Variants in PHACTR3 observed in about 807,000 individuals in gnomAD.
The protein encoded by PHACTR3 is protein phosphatase 1, regulatory subunit 123.
PHACTR3 carries 16 observed loss-of-function variants against 66.8 expected under a neutral mutation model. The ratio of observed to expected loss-of-function variants is 0.24; its 90% confidence interval spans 0.16 to 0.36. PHACTR3 has a LOEUF of 0.36. Among genes scored for constraint, PHACTR3 ranks in the 10% least tolerant of loss-of-function variants. The pLI, the probability that PHACTR3 is intolerant of heterozygous loss-of-function variation, is 1.00. For missense variants in PHACTR3, 647 were observed against 719.9 expected (o/e 0.90, Z 1.16); for synonymous variants, 323 against 292.1 (o/e 1.11, Z -1.08).
At chr20:59,743,310 C>A in intron 2 of PHACTR3, 42 bp downstream of exon 2, 2 of 1,607,886 alleles carry the variant, frequency 1.2e-6, no homozygotes, top group Non-Finnish European at 1.7e-6. Context: ...GTGGCTGGGA[C>A]CAGCGTCCTT....
At chr20:59,627,813 T>C (rs2034511578) in intron 1 of PHACTR3, among the ~76,000 whole-genome samples, 2 of 152,362 alleles carry the variant, frequency 1.3e-5, no homozygotes, top group South Asian at 2.1e-4. Flanking sequence ...TCTATAAATA[T>C]ATGTATATTC....
At chr20:59,735,818 A>G (rs954921034) in intron 1 of PHACTR3, among the ~76,000 whole-genome samples, 3 of 152,148 alleles carry the variant, frequency 2.0e-5, no homozygotes, top group African/African-American at 4.8e-5. Context: ...TAAATAGTGA[A>G]TCCCAGGGCA....
At chr20:59,628,522 G>T (rs1257280381) in intron 1 of PHACTR3, 3 of 605,958 alleles carry the variant, frequency 5.0e-6, no homozygotes, top group South Asian at 1.5e-4. Flanking sequence ...CCGTGCATGG[G>T]GCCACGTGCA....
chr20:59,661,131 A>G (rs1004577561), intron 1 of PHACTR3, among the ~76,000 whole-genome samples: 14 of 152,116 alleles, frequency 9.2e-5, no homozygotes, highest in African/African-American at 3.4e-4. Context: ...GGAAAATTGG[A>G]TTCGATTCTA....
At chr20:59,838,442 A>G (rs183452804) in intron 9 of PHACTR3, among the ~76,000 whole-genome samples, 4 of 150,742 alleles carry the variant, frequency 2.7e-5, no homozygotes, top group East Asian at 1.9e-4. Context: ...CTCCGCCCAT[A>G]TAACACTATA....
intron 3 of PHACTR3, among the ~76,000 whole-genome samples, chr20:59,748,875 G>A (rs1241091031): frequency 6.6e-6 from 1 of 152,184 alleles, no homozygotes; most frequent in East Asian, 1.9e-4. Flanking sequence ...AATTAGGAAG[G>A]AAGCTCATGA....
Position 59,806,166 on chromosome 20 carries a change from C to G in PHACTR3, c.1300C>G (p.Arg434Gly). 1 of 1,614,162 alleles carries G rather than the reference C, an allele frequency of 6.2e-7. No homozygotes were observed. The highest frequency in any genetic ancestry group is 8.5e-7 in the Non-Finnish European group (1 of 1,180,024). ...RRTDEERQEIRQQIEMKLSKR... is the reference protein window; with the variant it reads ...RRTDEERQEIGQQIEMKLSKR... ...GACTGATGAAGAAAGACAGGAGATC[C>G]GGCAGCAGATCGAGATGAAGCTTTC... Residue 434 changes from arginine (R) to glycine (G), a missense_variant, in exon 8 of 13, where the codon CGG becomes GGG. Coordinates refer to ENST00000371015, the MANE Select transcript of PHACTR3 (RefSeq NM_080672.5).
chr20:59,766,293 G>A (rs994368138), intron 4 of PHACTR3, among the ~76,000 whole-genome samples: 6 of 152,172 alleles, frequency 3.9e-5, no homozygotes, highest in East Asian at 1.9e-4. Flanking sequence ...AGTGGACTCC[G>A]TAGGCTCTTC....
chr20:59,747,652 T>C, intron 2 of PHACTR3, 106 bp from the exon 3 acceptor site: 1 of 1,317,406 alleles, frequency 7.6e-7, no homozygotes, highest in Non-Finnish European at 1.1e-6. Context: ...GCCTGCTAGC[T>C]CAGTGTTTTT....
At chr20:59,622,704 G>A (rs987863680) in intron 1 of PHACTR3, among the ~76,000 whole-genome samples, 4 of 152,062 alleles carry the variant, frequency 2.6e-5, no homozygotes. Flanking sequence ...GGGAATGAGG[G>A]AGACCAGGGG....
Position 59,622,043 on chromosome 20 carries a change from C to G in PHACTR3, c.118+16911C>G, listed in dbSNP as rs143552594. Among the ~76,000 whole-genome samples the G allele has an allele frequency of 9.9e-5, 15 of 152,050 alleles. No individual in the cohort carries two copies. In the East Asian group the frequency reaches 2.3e-3, roughly 23 times the overall value. On this transcript the variant is annotated intron_variant, in intron 1 of 12. Coordinates refer to ENST00000371015, the MANE Select transcript of PHACTR3 (RefSeq NM_080672.5). ...AAGTCATTGGGAGAATGAGTCATTGCGTGTGTATGCCTGTGTGTTTGTGCA... is the reference window on the plus strand; with the variant it reads ...AAGTCATTGGGAGAATGAGTCATTGGGTGTGTATGCCTGTGTGTTTGTGCA...
chr20:59,704,940 T>C (rs2037645118), intron 1 of PHACTR3, among the ~76,000 whole-genome samples: 1 of 151,808 alleles, frequency 6.6e-6, no homozygotes, highest in Admixed American at 6.6e-5. Context: ...ATGTCTGTCC[T>C]AGTATTTAAG....
At chr20:59,778,458 C>T (rs966340442) in intron 7 of PHACTR3, among the ~76,000 whole-genome samples, 3 of 152,200 alleles carry the variant, frequency 2.0e-5, no homozygotes, top group African/African-American at 4.8e-5. Flanking sequence ...TGCAAGGCTC[C>T]ACCGCGTTTA....
In PHACTR3 at chr20:59,708,773, C is replaced by T. The variant is rs147275430; in HGVS notation, c.119-34334C>T. Among the ~76,000 whole-genome samples the T allele has an allele frequency of 7.9e-5, 12 of 152,272 alleles. No individual in the cohort carries two copies. In the East Asian group the frequency reaches 2.1e-3, roughly 27 times the overall value. On this transcript the variant is annotated intron_variant, in intron 1 of 12. Coordinates refer to ENST00000371015, the MANE Select transcript of PHACTR3 (RefSeq NM_080672.5). ...AGAGACTTATGACAAGTGATCTGCCCCCACCATCAAACACCTAAGATTTAA... is the reference window on the plus strand; with the variant it reads ...AGAGACTTATGACAAGTGATCTGCCTCCACCATCAAACACCTAAGATTTAA...
At chr20:59,683,039 A>G (rs1427834211) in intron 1 of PHACTR3, among the ~76,000 whole-genome samples, 1 of 152,164 alleles carries the variant, frequency 6.6e-6, no homozygotes, top group Non-Finnish European at 1.5e-5. Context: ...CAGGCGGGAG[A>G]TGATGCTAAC....
intron 7 of PHACTR3, 45 bp from the exon 8 acceptor site, chr20:59,805,996 C>T: frequency 1.3e-6 from 2 of 1,581,534 alleles, no homozygotes; most frequent in East Asian, 2.2e-5. Flanking sequence ...TAAGACCTGT[C>T]TCCTTTGTTC....
intron 1 of PHACTR3, among the ~76,000 whole-genome samples, chr20:59,605,858 TGG>T (rs55834062): frequency 0.3 from 26,300 of 88,172 alleles, 2,946 homozygotes; most frequent in Admixed American, 0.4. Context: ...GGGGGGGAGG[TGG>T]GGGGGGGGGT....
chr20:59,658,477 G>A (rs1192884900), intron 1 of PHACTR3, among the ~76,000 whole-genome samples: 1 of 151,882 alleles, frequency 6.6e-6, no homozygotes, highest in African/African-American at 2.4e-5. Context: ...GTTTGTTTAT[G>A]TGTTTTGTGA....
intron 1 of PHACTR3, among the ~76,000 whole-genome samples, chr20:59,704,420 C>T (rs1384674129): frequency 2.0e-5 from 3 of 152,090 alleles, no homozygotes; most frequent in Non-Finnish European, 4.4e-5. Flanking sequence ...AACCTGCTTT[C>T]TCTCCTGGAT....
Sources: gnomAD v4.1 joint callset for allele counts (sites outside exome capture counted in the v4.1 genomes callset) on GRCh38, gnomAD v4.1.1 for gene constraint, MANE v1.5 for transcripts, NCBI Gene and HGNC (gene_info 2026-07-23, HGNC 2026-07-21) for gene names.